Variants in RYR2 observed in about 807,000 individuals in gnomAD.
RYR2 encodes ryanodine receptor 2.
A neutral mutation model predicts 601.1 loss-of-function variants in RYR2; 227 were observed. That is an observed-to-expected ratio of 0.38 (90% confidence interval 0.34 to 0.42). The LOEUF is 0.42. RYR2 is among the 10% of genes least tolerant of loss of function. The pLI is 1.00. For synonymous variants in RYR2, 2,223 were observed against 2,175.1 expected, an observed-to-expected ratio of 1.02 and a Z score of -0.61; for missense variants, 4,646 against 6,156.5, an observed-to-expected ratio of 0.75 and a Z score of 8.21.
chr1:237,299,120 C>T (rs1693095086), intron 2 of RYR2, among the ~76,000 whole-genome samples: 1 of 103,868 alleles, frequency 9.6e-6, no homozygotes, highest in African/African-American at 2.8e-5. Context: ...AGTGCAATTC[C>T]TAGAGTCTTT....
intron 36 of RYR2, among the ~76,000 whole-genome samples, chr1:237,613,032 G>T (rs1678060086): frequency 6.6e-6 from 1 of 152,214 alleles, no homozygotes. Flanking sequence ...CCGATTGGTA[G>T]AGTTGGGGCC....
At chr1:237,679,617 C>A (rs547747545) in intron 61 of RYR2, among the ~76,000 whole-genome samples, 1 of 152,232 alleles carries the variant, frequency 6.6e-6, no homozygotes, top group Non-Finnish European at 1.5e-5. Context: ...GGAAACAAAC[C>A]CAGAAATGTT....
At chr1:237,478,503 TA>T (rs1661657798) in intron 17 of RYR2, among the ~76,000 whole-genome samples, 2 of 152,320 alleles carry the variant, frequency 1.3e-5, no homozygotes, top group South Asian at 4.1e-4. Flanking sequence ...GCTACAAGAT[TA>T]ATTTGATTTA....
chr1:237,724,256 A>T (rs1237144072), intron 74 of RYR2, among the ~76,000 whole-genome samples: 8 of 148,968 alleles, frequency 5.4e-5, no homozygotes, highest in East Asian at 2.0e-4. Flanking sequence ...AAATTAAATT[A>T]TATATATATA....
At chr1:237,752,998 G>A (rs907759703) in intron 80 of RYR2, among the ~76,000 whole-genome samples, 3 of 152,062 alleles carry the variant, frequency 2.0e-5, no homozygotes, top group African/African-American at 7.2e-5. Flanking sequence ...ACAAACAAAA[G>A]AACACAAAGT....
intron 10 of RYR2, among the ~76,000 whole-genome samples, chr1:237,394,410 G>T (rs1253215520): frequency 6.6e-6 from 1 of 152,104 alleles, no homozygotes; most frequent in Admixed American, 6.5e-5. Flanking sequence ...GAGCTATTGT[G>T]GCAAACTGAG....
At chr1:237,725,658 A>G (rs1690131867) in intron 74 of RYR2, among the ~76,000 whole-genome samples, 1 of 152,146 alleles carries the variant, frequency 6.6e-6, no homozygotes, top group Non-Finnish European at 1.5e-5. Flanking sequence ...TTTGGATCAC[A>G]TATCTCACAG....
intron 47 of RYR2, 131 bp downstream of exon 47, chr1:237,641,133 A>T: frequency 1.8e-6 from 1 of 564,062 alleles, no homozygotes. Context: ...GCTGCAGTCT[A>T]ATCACTGAAC....
chr1:237,107,899 T>A (rs905225967), intron 1 of RYR2, among the ~76,000 whole-genome samples: 4 of 152,178 alleles, frequency 2.6e-5, no homozygotes, highest in African/African-American at 9.6e-5. Context: ...CATGCCCTCA[T>A]CTTCCTTTAT....
chr1:237,202,441 TC>T (rs1400028584), intron 1 of RYR2, among the ~76,000 whole-genome samples: 1 of 152,154 alleles, frequency 6.6e-6, no homozygotes, highest in Non-Finnish European at 1.5e-5. Flanking sequence ...AGGGTCTCGC[TC>T]TGTTGCCTAG....
At chr1:237,361,342 G>A (rs1699766790) in intron 4 of RYR2, among the ~76,000 whole-genome samples, 1 of 152,138 alleles carries the variant, frequency 6.6e-6, no homozygotes, top group African/African-American at 2.4e-5. Context: ...ACATAATGAA[G>A]TTTACCTGAT....
chr1:237,608,647 G>A (rs1677424649), intron 35 of RYR2, among the ~76,000 whole-genome samples: 1 of 152,076 alleles, frequency 6.6e-6, no homozygotes, highest in Admixed American at 6.5e-5. Context: ...AGGCTGCTGT[G>A]AGCCGTGATT....
chr1:237,341,520 T>C, intron 3 of RYR2: 1 of 394,970 alleles, frequency 2.5e-6, no homozygotes, highest in South Asian at 1.8e-5. Flanking sequence ...GACTATGTAT[T>C]CGCGGTCTGT....
At position 237,823,904 on chromosome 1, in the gene RYR2, T is replaced by C. The variant is rs1294743270; in HGVS notation, c.14591-4477T>C. On this transcript the variant is annotated intron_variant, in intron 101 of 104. Coordinates refer to ENST00000366574, the MANE Select transcript of RYR2 (RefSeq NM_001035.3). ...CATCAGAGAATACTGTAGACACCTTTACACAAATAAACTAGAAAATCTAGA... is the reference window on the plus strand; with the variant it reads ...CATCAGAGAATACTGTAGACACCTTCACACAAATAAACTAGAAAATCTAGA... Among the ~76,000 whole-genome samples the C allele has an allele frequency of 2.0e-5, 3 of 152,280 alleles. No individual in the cohort carries two copies. The East Asian group carries it at 5.8e-4, about 29-fold the overall frequency.
chr1:237,569,413 G>A (rs1264125159), intron 29 of RYR2, 94 bp downstream of exon 29: 5 of 1,208,824 alleles, frequency 4.1e-6, no homozygotes, highest in South Asian at 1.4e-5. Flanking sequence ...GTTTCAGGGT[G>A]AGTGAGCAGA....
chr1:237,409,457 A>G (rs944315236), intron 10 of RYR2, among the ~76,000 whole-genome samples: 4 of 152,098 alleles, frequency 2.6e-5, no homozygotes, highest in Non-Finnish European at 5.9e-5. Flanking sequence ...GATGGATTAT[A>G]CTATGGTTCA....
At position 237,680,338 on chromosome 1, in the gene RYR2, T is replaced by C. The variant is rs139999831; in HGVS notation, c.8896-118T>C. On this transcript the variant is annotated intron_variant, in intron 61 of 104. Transcript: ENST00000366574. ...GAGGCATACTATGACGTGCCTGGCA[T>C]GGACATAAGGAGACCTGTTGCATGT... is the stretch of plus-strand genomic sequence containing the variant. The C allele has an allele frequency of 1.6e-5, 11 of 689,856 alleles. No individual in the cohort carries two copies. In the South Asian group the frequency reaches 2.2e-4, roughly 14 times the overall value. 42.7% of individuals were successfully genotyped at this position (689,856 alleles called of 1,614,324 possible).
intron 1 of RYR2, among the ~76,000 whole-genome samples, chr1:237,155,184 T>C (rs1362866467): frequency 1.1e-4 from 16 of 146,294 alleles, no homozygotes; most frequent in African/African-American, 4.0e-4. Context: ...CTTTTCTTTT[T>C]TTTTTTTTTT....
chr1:237,208,960 A>ATATATATATATATATATATG (rs1682169340), intron 1 of RYR2, among the ~76,000 whole-genome samples: 3 of 103,010 alleles, frequency 2.9e-5, no homozygotes, highest in African/African-American at 9.8e-5. Context: ...ATATATATAT[A>ATATATATATATATATATATG]TATATATATA....
Sources: allele counts gnomAD v4.1 joint callset (sites outside exome capture counted in the v4.1 genomes callset), GRCh38; gene constraint gnomAD v4.1.1; transcripts MANE v1.5; gene names NCBI Gene and HGNC (gene_info 2026-07-23, HGNC 2026-07-21).